The following PIP4K2A variants were observed in gnomAD, a reference collection of about 807,000 sequenced individuals.
PIP4K2A encodes the protein phosphatidylinositol 5-phosphate 4-kinase type-2 alpha.
In PIP4K2A, 14 loss-of-function variants were observed where a neutral mutation model predicts 42.9. The observed-to-expected ratio is 0.33, with a 90% confidence interval of 0.22 to 0.51. The LOEUF is 0.51. Among genes scored for constraint, PIP4K2A ranks in the 20% least tolerant of loss-of-function variants. PIP4K2A has a pLI of 0.97. For missense variants in PIP4K2A, 434 were observed against 519.8 expected (o/e 0.83, Z 1.61); for synonymous variants, 192 against 192.2 (o/e 1.00, Z 0.01).
chr10:22,594,197 AC>A (rs1837573709), intron 3 of PIP4K2A, among the ~76,000 whole-genome samples: 1 of 152,236 alleles, frequency 6.6e-6, no homozygotes, highest in South Asian at 2.1e-4. Context: ...GGCATGCAGC[AC>A]GTAAAGTCTA....
intron 1 of PIP4K2A, among the ~76,000 whole-genome samples, chr10:22,713,676 C>T (rs1228281701): frequency 6.6e-6 from 1 of 152,204 alleles, no homozygotes; most frequent in Non-Finnish European, 1.5e-5. Flanking sequence ...CTCCGGTATC[C>T]TCGCCCCAGT....
rs1588670285 is a variant in PIP4K2A at position 22,623,183 on chromosome 10, G to C, written c.145-13466C>G. Among the ~76,000 whole-genome samples, 6 of 151,936 alleles carry C rather than the reference G, an allele frequency of 3.9e-5. No individual in the cohort carries two copies. The South Asian group carries it at 1.2e-3, about 32-fold the overall frequency. ...ATTGACTTTTTTTTTAAAAAAAAAG[G>C]TTACACATTCATGTGTTTGTCTATG... is the stretch of plus-strand genomic sequence containing the variant. On this transcript the variant is annotated intron_variant, in intron 1 of 9. Transcript: ENST00000376573.
intron 1 of PIP4K2A, among the ~76,000 whole-genome samples, chr10:22,680,557 C>T (rs1398086916): frequency 1.3e-5 from 2 of 150,696 alleles, no homozygotes; most frequent in African/African-American, 4.8e-5. Flanking sequence ...TCATGAATGA[C>T]AATAAAAAGG....
At position 22,664,088 on chromosome 10, in the gene PIP4K2A, T is replaced by C. The variant is rs183260004; in HGVS notation, c.144+50095A>G. Among the ~76,000 whole-genome samples, 260 of 72,740 alleles carry C rather than the reference T, an allele frequency of 3.6e-3. 13 individuals carry two copies. Among genetic ancestry groups the C allele is most frequent in the East Asian group, 0.011 (43 of 4,068 alleles). The allele number at this position is 72,740 out of a possible 152,430, so 47.7% of individuals were successfully genotyped here. ...ATATATATATATACGTATATATATA[T>C]ACATATATATATATACATATATATA... On this transcript the variant is annotated intron_variant, in intron 1 of 9. Coordinates refer to ENST00000376573, the MANE Select transcript of PIP4K2A (RefSeq NM_005028.5).
intron 3 of PIP4K2A, among the ~76,000 whole-genome samples, chr10:22,593,145 TGAAGA>T (rs371717171): frequency 8.5e-5 from 13 of 152,300 alleles, no homozygotes; most frequent in African/African-American, 3.1e-4. Flanking sequence ...TACCTATGCC[TGAAGA>T]GAAAAGTGGC....
At chr10:22,684,922 G>C (rs1347331533) in intron 1 of PIP4K2A, among the ~76,000 whole-genome samples, 1 of 152,122 alleles carries the variant, frequency 6.6e-6, no homozygotes. Flanking sequence ...TTGTGTTCCT[G>C]ACCATTTCGG....
intron 1 of PIP4K2A, among the ~76,000 whole-genome samples, chr10:22,639,454 G>GT (rs967523237): frequency 0.011 from 1,544 of 143,708 alleles, 7 homozygotes; most frequent in Middle Eastern, 0.018. Context: ...GGATTAAGAG[G>GT]TTTTTTTTTT....
In PIP4K2A at chr10:22,605,038, A is replaced by T. The variant is rs140097403; in HGVS notation, c.339+2889T>A. 7.3e-4 allele frequency among the ~76,000 whole-genome samples: 111 copies of T among 152,278 alleles called. 1 individual carries two copies. The highest frequency in any genetic ancestry group is 2.5e-3 in the African/African-American group (105 of 41,564). On this transcript the variant is annotated intron_variant, in intron 3 of 9. Transcript: ENST00000376573. ...CCAAAAGACTGGGATACAGCCCCAG[A>T]TTTACGATCCTGTTTTCAGCTGGAA...
chr10:22,666,494 GA>G lies in PIP4K2A; in HGVS notation c.144+47688del, dbSNP rs1839355397. Among the ~76,000 whole-genome samples the G allele has an allele frequency of 6.6e-5, 10 of 152,180 alleles. No homozygotes were observed. The South Asian group carries it at 2.1e-3, about 32-fold the overall frequency. On this transcript the variant is annotated intron_variant, in intron 1 of 9. Coordinates refer to ENST00000376573, the MANE Select transcript of PIP4K2A (RefSeq NM_005028.5). ...AGGAAGCCTGTTTTGAAAAATTATC[GA>G]TCCCAAAAGATATTATCAAATACTT...
At chr10:22,706,351 G>A (rs1376540927) in intron 1 of PIP4K2A, among the ~76,000 whole-genome samples, 2 of 152,070 alleles carry the variant, frequency 1.3e-5, no homozygotes, top group Admixed American at 6.5e-5. Flanking sequence ...TCCCCCTCTT[G>A]CTGTGCTCCA....
chr10:22,671,386 T>G (rs1235254905), intron 1 of PIP4K2A, among the ~76,000 whole-genome samples: 2 of 152,214 alleles, frequency 1.3e-5, no homozygotes, highest in African/African-American at 4.8e-5. Context: ...GAGCTGGCAC[T>G]TATTAATGAC....
chr10:22,648,855 A>G (rs1310400224), intron 1 of PIP4K2A, among the ~76,000 whole-genome samples: 1 of 152,248 alleles, frequency 6.6e-6, no homozygotes, highest in Non-Finnish European at 1.5e-5. Context: ...CACATTCCTG[A>G]AACAGAAAGC....
Position 22,534,903 on chromosome 10 carries a change from A to G in PIP4K2A, c.*2298T>C, listed in dbSNP as rs1835882520. 6.6e-6 allele frequency: 1 copy of G among 152,302 alleles called. No homozygotes were observed. Among genetic ancestry groups the G allele is most frequent in the East Asian group, 1.9e-4 (1 of 5,180 alleles). The allele number at this position is 152,302 out of a possible 1,614,324, so 9.4% of individuals were successfully genotyped here. A position where few individuals can be genotyped will look rare whatever the true frequency, so the allele number is the denominator to read the frequency against. On this transcript the variant is annotated 3_prime_UTR_variant, in exon 10 of 10. Coordinates refer to ENST00000376573, the MANE Select transcript of PIP4K2A (RefSeq NM_005028.5). ...AGGATTAGCTAAAGACACTGTCAGG[A>G]CCGAGTATTTAAAATGTGTTTGGAA...
intron 1 of PIP4K2A, among the ~76,000 whole-genome samples, chr10:22,666,981 C>T (rs1471361427): frequency 1.3e-5 from 2 of 152,174 alleles, no homozygotes; most frequent in African/African-American, 4.8e-5. Flanking sequence ...TGCTTAATAA[C>T]AATCACTTTC....
intron 1 of PIP4K2A, among the ~76,000 whole-genome samples, chr10:22,667,828 C>G (rs189054326): frequency 6.6e-6 from 1 of 151,558 alleles, no homozygotes; most frequent in East Asian, 1.9e-4. Flanking sequence ...TGAAAGGACT[C>G]TTAGCCACAG....
At position 22,592,228 on chromosome 10, in the gene PIP4K2A, T is replaced by C. The variant is rs527325234; in HGVS notation, c.340-447A>G. Among the ~76,000 whole-genome samples the C allele has an allele frequency of 1.1e-3, 164 of 152,306 alleles. 2 individuals carry two copies. In the South Asian group the frequency reaches 0.015, roughly 14 times the overall value. ...CAATTCTGATAACATTCCCATGCAA[T>C]GGTTACGATTGCTATCATCACTATT... is the stretch of plus-strand genomic sequence containing the variant. On this transcript the variant is annotated intron_variant, in intron 3 of 9. Coordinates refer to ENST00000376573, the MANE Select transcript of PIP4K2A (RefSeq NM_005028.5).
chr10:22,552,755 G>C (rs1836444191), intron 6 of PIP4K2A, among the ~76,000 whole-genome samples: 1 of 152,162 alleles, frequency 6.6e-6, no homozygotes, highest in Non-Finnish European at 1.5e-5. Flanking sequence ...TTTCCCAGCA[G>C]ACACCTTGGG....
intron 3 of PIP4K2A, among the ~76,000 whole-genome samples, chr10:22,605,793 G>C (rs1389478658): frequency 1.3e-5 from 2 of 151,132 alleles, no homozygotes; most frequent in South Asian, 2.1e-4. Flanking sequence ...CTTTTCTTAA[G>C]GCAGAGGAGA....
chr10:22,622,439 A>C (rs1367381753), intron 1 of PIP4K2A, among the ~76,000 whole-genome samples: 1 of 152,222 alleles, frequency 6.6e-6, no homozygotes, highest in African/African-American at 2.4e-5. Context: ...GGCGTCACGG[A>C]GCACGGGAGG....
Sources: allele counts gnomAD v4.1 joint callset (sites outside exome capture counted in the v4.1 genomes callset), GRCh38; gene constraint gnomAD v4.1.1; transcripts MANE v1.5; gene names NCBI Gene and HGNC (gene_info 2026-07-23, HGNC 2026-07-21).